MARCHF1: variants seen among roughly 807,000 people sequenced by gnomAD.
MARCHF1 encodes E3 ubiquitin-protein ligase MARCHF1.
Under a neutral mutation model 54.2 loss-of-function variants are expected in MARCHF1, and 40 were observed. The observed-to-expected ratio is 0.74, with a 90% CI of 0.57 to 0.96. MARCHF1 has a LOEUF of 0.96. Ranked by LOEUF, MARCHF1 falls within the 40% of genes least tolerant of loss-of-function variation. MARCHF1 has a pLI of 0.00. For synonymous variants in MARCHF1, 236 were observed against 236.3 expected, an observed-to-expected ratio of 1.00 and a Z score of 0.01; for missense variants, 586 against 656.5, an observed-to-expected ratio of 0.89 and a Z score of 1.17.
chr4:163,680,995 T>C (rs1235171993), intron 5 of MARCHF1, among the ~76,000 whole-genome samples: 2 of 149,666 alleles, frequency 1.3e-5, no homozygotes, highest in East Asian at 3.9e-4. Context: ...TGTAATACAT[T>C]ATGTAATATT....
chr4:163,921,947 T>C (rs1049292434), intron 3 of MARCHF1, among the ~76,000 whole-genome samples: 3 of 152,030 alleles, frequency 2.0e-5, no homozygotes, highest in Admixed American at 6.6e-5. Context: ...CTATTCACAA[T>C]AGCAAAAACT....
chr4:164,253,080 A>G (rs920754325), intron 1 of MARCHF1, among the ~76,000 whole-genome samples: 1 of 152,158 alleles, frequency 6.6e-6, no homozygotes, highest in African/African-American at 2.4e-5. Context: ...TAAAAATAAA[A>G]CTTAAAAATA....
At chr4:164,094,382 T>G (rs1206718676) in intron 2 of MARCHF1, among the ~76,000 whole-genome samples, 3 of 152,094 alleles carry the variant, frequency 2.0e-5, no homozygotes, top group Non-Finnish European at 4.4e-5. Context: ...AGAATTACAT[T>G]ATGCCCTCCA....
chr4:163,982,037 T>G (rs1752773398), intron 3 of MARCHF1, among the ~76,000 whole-genome samples: 1 of 152,258 alleles, frequency 6.6e-6, no homozygotes, highest in African/African-American at 2.4e-5. Context: ...TTCAGTCTTA[T>G]TAATGCAATT....
At chr4:163,772,032 G>A (rs553449444) in intron 4 of MARCHF1, among the ~76,000 whole-genome samples, 2 of 152,234 alleles carry the variant, frequency 1.3e-5, no homozygotes, top group African/African-American at 4.8e-5. Flanking sequence ...TTTAGATCAG[G>A]AGCAGAGGCA....
intron 1 of MARCHF1, chr4:164,234,774 A>C (rs1461886327): frequency 1.3e-5 from 2 of 152,118 alleles, no homozygotes; most frequent in Non-Finnish European, 2.9e-5. Flanking sequence ...AAAACTTTTA[A>C]AAAGATTTTC....
intron 1 of MARCHF1, among the ~76,000 whole-genome samples, chr4:164,336,898 C>T (rs1317991293): frequency 6.6e-6 from 1 of 152,034 alleles, no homozygotes; most frequent in Non-Finnish European, 1.5e-5. Context: ...ATCCATCAAT[C>T]TTTCAAAACC....
At chr4:164,161,631 T>C (rs902987778) in intron 1 of MARCHF1, among the ~76,000 whole-genome samples, 18 of 152,164 alleles carry the variant, frequency 1.2e-4, no homozygotes, top group African/African-American at 4.3e-4. Context: ...ACAACTTTCA[T>C]CTTTAGGGTA....
chr4:163,538,828 A>G (rs3797020), intron 9 of MARCHF1, among the ~76,000 whole-genome samples: 2,944 of 152,194 alleles, frequency 0.019, 47 homozygotes, highest in East Asian at 0.069. Flanking sequence ...TGTTTCAATA[A>G]TAGCCCCTGA....
chr4:164,202,412 G>A (rs1288073205), intron 1 of MARCHF1, among the ~76,000 whole-genome samples: 1 of 152,086 alleles, frequency 6.6e-6, no homozygotes, highest in African/African-American at 2.4e-5. Flanking sequence ...TGGTTGCAGA[G>A]GCAGGAAGAA....
chr4:164,089,492 T>C (rs973179417), intron 2 of MARCHF1, among the ~76,000 whole-genome samples: 17 of 152,178 alleles, frequency 1.1e-4, no homozygotes, highest in African/African-American at 4.1e-4. Flanking sequence ...TATATGTCTA[T>C]TACCTTGACT....
chr4:164,301,649 G>A (rs1335327767), intron 1 of MARCHF1, among the ~76,000 whole-genome samples: 2 of 152,090 alleles, frequency 1.3e-5, no homozygotes, highest in Admixed American at 1.3e-4. Context: ...GCCAAGGTCA[G>A]AAATTTATTG....
chr4:163,820,375 T>C (rs922125657), intron 4 of MARCHF1, among the ~76,000 whole-genome samples: 28 of 152,188 alleles, frequency 1.8e-4, no homozygotes, highest in South Asian at 1.0e-3. Flanking sequence ...AGTTCTAGTC[T>C]ACCCTTCACT....
chr4:164,060,978 TATTA>T (rs1754603917), intron 2 of MARCHF1, among the ~76,000 whole-genome samples: 1 of 152,196 alleles, frequency 6.6e-6, no homozygotes, highest in Admixed American at 6.5e-5. Context: ...GACATCAACT[TATTA>T]ATTAATACTC....
intron 1 of MARCHF1, among the ~76,000 whole-genome samples, chr4:164,151,105 A>G (rs182991575): frequency 6.2e-4 from 94 of 152,320 alleles, no homozygotes; most frequent in African/African-American, 2.0e-3. Flanking sequence ...CATGATGCTG[A>G]CATTTGATTT....
At chr4:164,380,381 C>T (rs189272108) in intron 1 of MARCHF1, among the ~76,000 whole-genome samples, 19 of 152,272 alleles carry the variant, frequency 1.2e-4, no homozygotes, top group Non-Finnish European at 2.4e-4. Context: ...TATGCACTGT[C>T]CCCCATGAGA....
intron 3 of MARCHF1, among the ~76,000 whole-genome samples, chr4:163,860,932 G>C (rs1380990332): frequency 2.0e-5 from 3 of 152,080 alleles, no homozygotes; most frequent in East Asian, 3.9e-4. Context: ...AAATTACGAA[G>C]CATGCTAGAA....
At chr4:164,208,412 C>A (rs1025298662) in intron 1 of MARCHF1, among the ~76,000 whole-genome samples, 1 of 152,162 alleles carries the variant, frequency 6.6e-6, no homozygotes, top group African/African-American at 2.4e-5. Flanking sequence ...CAGCCGTAAG[C>A]ATCTAAAGTG....
chr4:164,229,482 A>T (rs145327235), intron 1 of MARCHF1, among the ~76,000 whole-genome samples: 5 of 152,126 alleles, frequency 3.3e-5, no homozygotes, highest in Non-Finnish European at 7.4e-5. Flanking sequence ...TTGAAAAAGG[A>T]ACTCCCAGAC....
Sources: gnomAD v4.1 joint callset for allele counts (sites outside exome capture counted in the v4.1 genomes callset) on GRCh38, gnomAD v4.1.1 for gene constraint, MANE v1.5 for transcripts, NCBI Gene and HGNC (gene_info 2026-07-23, HGNC 2026-07-21) for gene names.